The following SOX6 variants were observed in gnomAD, a reference collection of about 807,000 sequenced individuals.
SOX6 encodes transcription factor SOX-6.
In SOX6, 11 loss-of-function variants were observed where a neutral mutation model predicts 97.8. The observed-to-expected ratio is 0.11, with a 90% confidence interval of 0.07 to 0.19. SOX6 has a LOEUF of 0.19. Among genes scored for constraint, SOX6 ranks in the 10% least tolerant of loss-of-function variants. The pLI is 1.00. For synonymous variants in SOX6, 360 were observed against 371.4 expected, an observed-to-expected ratio of 0.97 and a Z score of 0.35; for missense variants, 810 against 1,039.5, an observed-to-expected ratio of 0.78 and a Z score of 3.04.
At chr11:16,107,819 A>C (rs1849133147) in intron 7 of SOX6, among the ~76,000 whole-genome samples, 1 of 152,148 alleles carries the variant, frequency 6.6e-6, no homozygotes, top group Non-Finnish European at 1.5e-5. Flanking sequence ...ACTGCAATAA[A>C]AAAGAAACAT....
chr11:16,588,772 T>C (rs182683062), intron 4 of SOX6, among the ~76,000 whole-genome samples: 97 of 152,336 alleles, frequency 6.4e-4, no homozygotes, highest in African/African-American at 2.1e-3. Context: ...CTTAAGCCTA[T>C]AATCCCAGCA....
intron 6 of SOX6, among the ~76,000 whole-genome samples, chr11:16,125,382 C>T (rs984491490): frequency 1.3e-5 from 2 of 151,938 alleles, no homozygotes; most frequent in African/African-American, 4.8e-5. Flanking sequence ...ATTCAAGTTA[C>T]CTAACAAATT....
At chr11:16,519,391 T>C (rs1273425349) in intron 4 of SOX6, among the ~76,000 whole-genome samples, 1 of 152,218 alleles carries the variant, frequency 6.6e-6, no homozygotes, top group African/African-American at 2.4e-5. Flanking sequence ...ATTATTTCCA[T>C]CTTTGTATCC....
chr11:15,979,362 A>G (rs1160085988), intron 15 of SOX6, among the ~76,000 whole-genome samples: 2 of 151,716 alleles, frequency 1.3e-5, no homozygotes, highest in African/African-American at 2.4e-5. Context: ...ATCAACTCCA[A>G]TCTGGTTTAT....
chr11:16,450,527 A>G (rs1405949156), intron 1 of SOX6, among the ~76,000 whole-genome samples: 1 of 152,222 alleles, frequency 6.6e-6, no homozygotes, highest in Non-Finnish European at 1.5e-5. Context: ...CAAACTTTCT[A>G]ACCTGGGCAC....
At chr11:16,160,064 G>A (rs894722250) in intron 6 of SOX6, among the ~76,000 whole-genome samples, 2 of 152,140 alleles carry the variant, frequency 1.3e-5, no homozygotes, top group African/African-American at 4.8e-5. Flanking sequence ...TTGCATTAAT[G>A]TAACGTACAA....
intron 1 of SOX6, among the ~76,000 whole-genome samples, chr11:16,467,784 A>G (rs566163676): frequency 1.1e-4 from 17 of 151,450 alleles, no homozygotes; most frequent in Non-Finnish European, 2.2e-4. Flanking sequence ...CCCTGAACTT[A>G]AAAGTTAAAA....
chr11:16,498,435 A>C (rs201301627), intron 4 of SOX6, among the ~76,000 whole-genome samples: 25,508 of 150,960 alleles, frequency 0.17, 2,224 homozygotes, highest in African/African-American at 0.19. Flanking sequence ...ATCATAAGGA[A>C]AGGATCAAAT....
At chr11:16,185,233 C>T (rs1373496269) in intron 5 of SOX6, among the ~76,000 whole-genome samples, 1 of 152,146 alleles carries the variant, frequency 6.6e-6, no homozygotes, top group East Asian at 1.9e-4. Context: ...TCCTCCTTGT[C>T]AGAGCTTTAT....
chr11:16,419,996 CA>C (rs1430163879), intron 1 of SOX6, among the ~76,000 whole-genome samples: 2 of 152,100 alleles, frequency 1.3e-5, no homozygotes, highest in Non-Finnish European at 2.9e-5. Flanking sequence ...GAATCAAACT[CA>C]AAAGTAATTC....
chr11:16,219,122 T>C (rs1404079864), intron 4 of SOX6, among the ~76,000 whole-genome samples: 1 of 152,084 alleles, frequency 6.6e-6, no homozygotes, highest in Non-Finnish European at 1.5e-5. Context: ...ATAGACTTTC[T>C]AAGAGCTACC....
chr11:16,422,979 G>C (rs949223075), intron 1 of SOX6, among the ~76,000 whole-genome samples: 3 of 152,044 alleles, frequency 2.0e-5, no homozygotes, highest in Admixed American at 2.0e-4. Context: ...TCTAATATCA[G>C]ATTATTTTTA....
Position 16,401,507 on chromosome 11 carries a change from C to A in SOX6, c.-4-60255G>T, listed in dbSNP as rs534443949. On this transcript the variant is annotated intron_variant, in intron 1 of 15. Transcript: ENST00000396356. Reference sequence around the variant, plus strand: ...TGTTTTTTTATAATGCTTTTCCAGTCTTCTTTTGATTTCAGTATTTATATT... The same window carrying A: ...TGTTTTTTTATAATGCTTTTCCAGTATTCTTTTGATTTCAGTATTTATATT... Among the ~76,000 whole-genome samples, 3 of 151,636 alleles carry A rather than the reference C, an allele frequency of 2.0e-5. No homozygotes were observed. In the South Asian group the frequency reaches 6.2e-4, roughly 31 times the overall value.
intron 1 of SOX6, among the ~76,000 whole-genome samples, chr11:16,462,117 GA>G: frequency 6.6e-6 from 1 of 152,328 alleles, no homozygotes; most frequent in South Asian, 2.1e-4. Flanking sequence ...TCTTAACTGG[GA>G]AAACAGATAA....
In SOX6 at chr11:16,132,330, GGAAA is replaced by G. The variant is rs1329732025; in HGVS notation, c.778-20411_778-20408del. ...AGGAAGGAAGGAAGGAAGGAAGGAA[GGAAA>G]GAAAAAAGAAAGAAAGAAAGAAAGA... On this transcript the variant is annotated intron_variant, in intron 6 of 15. Coordinates refer to ENST00000683767, the MANE Select transcript of SOX6 (RefSeq NM_001367873.1). Among the ~76,000 whole-genome samples, 19 of 68,494 alleles carry G rather than the reference GGAAA, an allele frequency of 2.8e-4. 1 individual carries two copies. Among genetic ancestry groups the G allele is most frequent in the African/African-American group, 4.1e-4 (7 of 17,204 alleles). The allele number at this position is 68,494 out of a possible 152,430, so 44.9% of individuals were successfully genotyped here.
intron 15 of SOX6, among the ~76,000 whole-genome samples, chr11:15,982,939 T>C (rs1164434077): frequency 6.6e-6 from 1 of 152,036 alleles, no homozygotes; most frequent in Non-Finnish European, 1.5e-5. Flanking sequence ...TAGCTACATG[T>C]ACCCTAATGA....
intron 9 of SOX6, among the ~76,000 whole-genome samples, chr11:16,085,721 T>C (rs1260938477): frequency 6.6e-6 from 1 of 152,218 alleles, no homozygotes; most frequent in African/African-American, 2.4e-5. Context: ...GACCATAATC[T>C]GTTTATAAGA....
chr11:16,327,918 A>G (rs1227033159), intron 2 of SOX6, among the ~76,000 whole-genome samples: 1 of 152,136 alleles, frequency 6.6e-6, no homozygotes, highest in Non-Finnish European at 1.5e-5. Context: ...TAACTGTAAG[A>G]ACAGAATACT....
At chr11:16,432,481 A>T (rs1859290087) in intron 1 of SOX6, among the ~76,000 whole-genome samples, 1 of 152,146 alleles carries the variant, frequency 6.6e-6, no homozygotes, top group Non-Finnish European at 1.5e-5. Flanking sequence ...AAAATAAATT[A>T]AAAAGGTTAT....
Sources: allele counts gnomAD v4.1 joint callset (sites outside exome capture counted in the v4.1 genomes callset), GRCh38; gene constraint gnomAD v4.1.1; transcripts MANE v1.5; gene names NCBI Gene and HGNC (gene_info 2026-07-23, HGNC 2026-07-21).